The following CA12 variants were observed in gnomAD, a reference collection of about 807,000 sequenced individuals.
CA12 encodes carbonic anhydrase 12.
A neutral mutation model predicts 46.8 loss-of-function variants in CA12; 36 were observed. The observed-to-expected ratio is 0.77, with a 90% CI of 0.59 to 1.02. The LOEUF (loss-of-function observed/expected upper bound fraction) is 1.02. Among genes scored for constraint, CA12 ranks in the 50% least tolerant of loss-of-function variants. The pLI is 0.00. For synonymous variants in CA12, 202 were observed against 187.0 expected, an observed-to-expected ratio of 1.08 and a Z score of -0.65; for missense variants, 436 against 451.4, an observed-to-expected ratio of 0.97 and a Z score of 0.31.
intron 8 of CA12, among the ~76,000 whole-genome samples, chr15:63,333,398 G>A (rs1350426822): frequency 3.9e-5 from 6 of 152,196 alleles, no homozygotes; most frequent in Non-Finnish European, 2.9e-5. Flanking sequence ...CCCCCATAGC[G>A]CATAACTCGG....
rs767775720 is a variant in CA12, at chr15:63,345,606, C to A, written c.300G>T (p.Leu100=). The A allele has an allele frequency of 6.2e-7, 1 of 1,612,748 alleles. No individual in the cohort carries two copies. Among genetic ancestry groups the A allele is most frequent in the Non-Finnish European group, 8.5e-7 (1 of 1,179,964 alleles). The change falls in exon 4 of 11, where the codon CTG becomes CTT. Residue 100 remains leucine, a synonymous_variant. Coordinates refer to ENST00000178638, the MANE Select transcript of CA12 (RefSeq NM_001218.5). This position sits in a 1 kb window ranked among gnomAD's most constrained non-coding sequence, Gnocchi z 4.3. ...GGCCCTGGATGTGCATGTCCGAGGG[C>A]AGGTTCAGCTTCACTGCGGGGAGTG... ...TNNGHSVKLN[L]PSDMHIQGLQ... is the part of the protein sequence containing the mutation.
At position 63,345,533 on chromosome 15, in the gene CA12, G is replaced by T; in HGVS notation, c.373C>A (p.Pro125Thr). The T allele has an allele frequency of 6.2e-7, 1 of 1,613,040 alleles. No individual in the cohort carries two copies. Among genetic ancestry groups the T allele is most frequent in the Non-Finnish European group, 8.5e-7 (1 of 1,180,024 alleles). Residue 125 changes from proline (P) to threonine (T), a missense_variant, in exon 4 of 11, where the codon CCG (proline) becomes ACG (threonine). Pro to Thr is a conservative substitution (Grantham distance 38). Coordinates refer to ENST00000178638, the MANE Select transcript of CA12 (RefSeq NM_001218.5). The surrounding 1 kb of genome is among the most constrained non-coding windows in gnomAD (Gnocchi z 4.3). The part of the protein sequence containing the change: ...ATQLHLHWGN[P>T]NDPHGSEHTV... ...TGCTCAGAGCCGTGCGGGTCATTCG[G>T]GTTCCCCCAGTGCAGGTGCAGCTGC...
chr15:63,370,920 C>T (rs916046617), intron 2 of CA12, among the ~76,000 whole-genome samples: 16 of 152,148 alleles, frequency 1.1e-4, no homozygotes, highest in African/African-American at 3.9e-4. Context: ...GCCAAGCCTC[C>T]CTCCCTTTGA....
In CA12 at chr15:63,372,726, C is replaced by A. The variant is rs2039522658; in HGVS notation, c.106+2932G>T. Reference sequence around the variant, plus strand: ...CACAGGTGCCAGCTGCCAGCCAGGACCTAAGGAGGAGCTAGCCAAGACCTC... The same window carrying A: ...CACAGGTGCCAGCTGCCAGCCAGGAACTAAGGAGGAGCTAGCCAAGACCTC... On this transcript the variant is annotated intron_variant, in intron 2 of 10. Transcript: ENST00000178638. This position sits in a 1 kb window ranked among gnomAD's most constrained non-coding sequence, Gnocchi z 4.5. Among the ~76,000 whole-genome samples, 1 of 152,180 alleles carries A rather than the reference C, an allele frequency of 6.6e-6. No individual in the cohort carries two copies. Among genetic ancestry groups the A allele is most frequent in the African/African-American group, 2.4e-5 (1 of 41,440 alleles).
intron 8 of CA12, among the ~76,000 whole-genome samples, chr15:63,336,290 A>T (rs190760793): frequency 6.6e-6 from 1 of 152,164 alleles, no homozygotes; most frequent in African/African-American, 2.4e-5. Context: ...CTGCCCCACT[A>T]CAAGCAGCTG....
In CA12 at chr15:63,345,689, G is replaced by C; in HGVS notation, c.287-70C>G. 6.4e-7 allele frequency: 1 copy of C among 1,551,940 alleles called. No homozygotes were observed. The highest frequency in any genetic ancestry group is 8.7e-7 in the Non-Finnish European group (1 of 1,151,114). On this transcript the variant is annotated intron_variant, in intron 3 of 10. Coordinates refer to ENST00000178638, the MANE Select transcript of CA12 (RefSeq NM_001218.5). This position sits in a 1 kb window ranked among gnomAD's most constrained non-coding sequence, Gnocchi z 4.3. ...GCACTGCCAGAGAGCAGTCAGGTAG[G>C]CAATGCTCCCTCCACCCCTGCTGCC...
rs193170550 is a variant in CA12 at position 63,326,225 on chromosome 15, C to G, written c.*60G>C. On this transcript the variant is annotated 3_prime_UTR_variant, in exon 11 of 11. Coordinates refer to ENST00000178638, the MANE Select transcript of CA12 (RefSeq NM_001218.5). ...GAGGTGTCGCAAGTGTCCAGAGAGC[C>G]GAAGTGTGTAGGGTCCAAAGCAAGG... 7.8e-7 allele frequency: 1 copy of G among 1,289,072 alleles called. No homozygotes were observed. The highest frequency in any genetic ancestry group is 1.7e-5 in the Admixed American group (1 of 59,566). 79.9% of individuals were successfully genotyped at this position (1,289,072 alleles called of 1,614,324 possible).
At chr15:63,334,866 C>A (rs2038980479) in intron 8 of CA12, among the ~76,000 whole-genome samples, 1 of 152,180 alleles carries the variant, frequency 6.6e-6, no homozygotes, top group African/African-American at 2.4e-5. Context: ...AGATGGGGAA[C>A]AAGGTCTCTC....
chr15:63,368,119 G>C (rs992220133), intron 2 of CA12, among the ~76,000 whole-genome samples: 2 of 152,184 alleles, frequency 1.3e-5, no homozygotes, highest in Non-Finnish European at 2.9e-5. Flanking sequence ...ATCTAACATG[G>C]TGCTTCTCTG....
At chr15:63,353,692 C>T (rs564506348) in intron 2 of CA12, among the ~76,000 whole-genome samples, 13 of 152,206 alleles carry the variant, frequency 8.5e-5, no homozygotes, top group African/African-American at 3.1e-4. Flanking sequence ...ACCAGACATC[C>T]TCAGGATGGT....
chr15:63,364,352 A>AAAAAAAAAG, intron 2 of CA12, among the ~76,000 whole-genome samples: 1 of 147,500 alleles, frequency 6.8e-6, no homozygotes, highest in Non-Finnish European at 1.5e-5. Context: ...AAAAAAAAAA[A>AAAAAAAAAG]AAACAGTGGG....
chr15:63,339,025 C>A lies in CA12; in HGVS notation c.748-80G>T. Reference sequence around the variant, plus strand: ...CCTGGGAAGAGGCTAGCTCTCCGCTCTTGCACCTGGGAGAAGCCTCTGGAA... The same window carrying A: ...CCTGGGAAGAGGCTAGCTCTCCGCTATTGCACCTGGGAGAAGCCTCTGGAA... On this transcript the variant is annotated intron_variant, in intron 7 of 10. Coordinates refer to ENST00000178638, the MANE Select transcript of CA12 (RefSeq NM_001218.5). The surrounding 1 kb of genome is among the most constrained non-coding windows in gnomAD (Gnocchi z 4.3). The A allele has an allele frequency of 6.4e-7, 1 of 1,569,220 alleles. No homozygotes were observed. The highest frequency in any genetic ancestry group is 1.1e-5 in the South Asian group (1 of 87,896).
chr15:63,354,579 T>C (rs1029543934), intron 2 of CA12, among the ~76,000 whole-genome samples: 1 of 152,028 alleles, frequency 6.6e-6, no homozygotes, highest in Non-Finnish European at 1.5e-5. Context: ...AAAAGTGGCT[T>C]CTACATGCAG....
Position 63,323,353 on chromosome 15 carries a change from T to C in CA12, c.*2932A>G, listed in dbSNP as rs1421884371. 1 of 152,208 alleles carries C rather than the reference T, an allele frequency of 6.6e-6. No homozygotes were observed. Among genetic ancestry groups the C allele is most frequent in the African/African-American group, 2.4e-5 (1 of 41,454 alleles). 9.4% of individuals were successfully genotyped at this position (152,208 alleles called of 1,614,324 possible). A position where few individuals can be genotyped will look rare whatever the true frequency, so the allele number is the denominator to read the frequency against. ...CAGCCACACATGCCATAGGCCTCCA[T>C]CCTCAGGAAAGTGATTGAGTCTATC... On this transcript the variant is annotated 3_prime_UTR_variant, in exon 11 of 11. Transcript: ENST00000178638. This position sits in a 1 kb window ranked among gnomAD's most constrained non-coding sequence, Gnocchi z 5.1.
chr15:63,369,525 T>TA (rs1327404454), intron 2 of CA12, among the ~76,000 whole-genome samples: 1 of 152,232 alleles, frequency 6.6e-6, no homozygotes, highest in Non-Finnish European at 1.5e-5. Flanking sequence ...GAGGACTTGT[T>TA]AAAACAAATT....
At chr15:63,376,315 A>G (rs1360648544) in intron 1 of CA12, among the ~76,000 whole-genome samples, 1 of 152,190 alleles carries the variant, frequency 6.6e-6, no homozygotes, top group Admixed American at 6.5e-5. Context: ...CCCAAAAGCC[A>G]TCAAATGGTA....
rs554261389 is a variant in CA12, at chr15:63,324,575, G to C, written c.*1710C>G. 1 of 152,230 alleles carries C rather than the reference G, an allele frequency of 6.6e-6. No homozygotes were observed. Among genetic ancestry groups the C allele is most frequent in the East Asian group, 1.9e-4 (1 of 5,186 alleles). The allele number at this position is 152,230 out of a possible 1,614,324, so 9.4% of individuals were successfully genotyped here. ...ACACACACACACAAACACACAGAGA[G>C]ACACACACACATTTGAGCTCCCATT... On this transcript the variant is annotated 3_prime_UTR_variant, in exon 11 of 11. Transcript: ENST00000178638.
At chr15:63,370,769 T>A (rs1233860882) in intron 2 of CA12, among the ~76,000 whole-genome samples, 5 of 148,958 alleles carry the variant, frequency 3.4e-5, no homozygotes, top group Admixed American at 1.3e-4. Context: ...CGAGACTCCA[T>A]CTCAAAAAAA....
Position 63,345,574 on chromosome 15 carries a change from G to C in CA12, c.332C>G (p.Ser111Cys). 6.2e-7 allele frequency: 1 copy of C among 1,613,536 alleles called. No individual in the cohort carries two copies. Among genetic ancestry groups the C allele is most frequent in the Non-Finnish European group, 8.5e-7 (1 of 1,180,020 alleles). ...PSDMHIQGLQ[S>C]RYSATQLHLH... Reference sequence around the variant, plus strand: ...GTGCAGCTGCGTGGCACTGTAGCGAGACTGGAGGCCCTGGATGTGCATGTC... The same window carrying C: ...GTGCAGCTGCGTGGCACTGTAGCGACACTGGAGGCCCTGGATGTGCATGTC... Residue 111 changes from serine (S) to cysteine (C), a missense_variant, in exon 4 of 11, where the codon TCT (serine) becomes TGT (cysteine). By Grantham distance (112) the Ser-to-Cys change is moderately radical (BLOSUM62 -1). Transcript: ENST00000178638. This position sits in a 1 kb window ranked among gnomAD's most constrained non-coding sequence, Gnocchi z 4.3.
Sources: gnomAD v4.1 joint callset for allele counts (sites outside exome capture counted in the v4.1 genomes callset) on GRCh38, gnomAD v4.1.1 for gene constraint, Gnocchi (gnomAD v3.1) non-coding constraint, MANE v1.5 for transcripts, NCBI Gene and HGNC (gene_info 2026-07-23, HGNC 2026-07-21) for gene names.